VAT1L: variants seen among roughly 807,000 people sequenced by gnomAD.
The protein encoded by VAT1L is vesicle amine transport 1 like, also known as putative NADPH-dependent quinone oxidoreductase VAT1L.
VAT1L carries 34 observed loss-of-function variants against 44.1 expected under a neutral mutation model. That is an observed-to-expected ratio of 0.77 (90% CI 0.59 to 1.03). VAT1L has a LOEUF of 1.03. VAT1L is among the 50% of genes least tolerant of loss of function. The pLI is 0.00. For missense variants in VAT1L, 615 were observed against 538.8 expected (o/e 1.14, Z -1.40); for synonymous variants, 253 against 202.2 (o/e 1.25, Z -2.13).
intron 7 of VAT1L, among the ~76,000 whole-genome samples, chr16:77,915,760 T>C (rs889943922): frequency 1.3e-5 from 2 of 152,150 alleles, no homozygotes; most frequent in African/African-American, 4.8e-5. Context: ...CGGAGCCAGA[T>C]AGAGGGTCTC....
intron 4 of VAT1L, among the ~76,000 whole-genome samples, chr16:77,864,755 G>A (rs1436317353): frequency 2.0e-5 from 3 of 152,132 alleles, no homozygotes; most frequent in East Asian, 1.9e-4. Flanking sequence ...GGTTCTGATG[G>A]TCTTAGTTTT....
At chr16:77,895,260 G>C (rs2017311559) in intron 7 of VAT1L, among the ~76,000 whole-genome samples, 1 of 152,154 alleles carries the variant, frequency 6.6e-6, no homozygotes, top group Non-Finnish European at 1.5e-5. Flanking sequence ...ATGGACCAAA[G>C]AAATTAAGGC....
rs150199138 is a variant in VAT1L, at chr16:77,884,705, G to A, written c.980G>A (p.Arg327Gln). Residue 327 changes from arginine to glutamine, a missense_variant, in exon 7 of 9, where the codon CGG (arginine) becomes CAG (glutamine). By Grantham distance (43) the Arg-to-Gln change is conservative (BLOSUM62 1). Coordinates refer to ENST00000302536, the MANE Select transcript of VAT1L (RefSeq NM_020927.3). This position sits in a 1 kb window ranked among gnomAD's most constrained non-coding sequence, Gnocchi z 4.5. ...TTAAATCTGCTCTTCAAACAAGGCC[G>A]GGCGGGCCTCATTCGGGGAGTGGTG... ...SLLNLLFKQG[R>Q]AGLIRGVVEK... 1.5e-4 allele frequency: 243 copies of A among 1,611,168 alleles called. 1 individual carries two copies. The African/African-American group carries it at 2.7e-3, about 18-fold the overall frequency.
At position 77,948,001 on chromosome 16, in the gene VAT1L, C is replaced by T. The variant is rs552444750; in HGVS notation, c.1078-23849C>T. Among the ~76,000 whole-genome samples, 258 of 152,202 alleles carry T rather than the reference C, an allele frequency of 1.7e-3. 1 individual carries two copies. Among genetic ancestry groups the T allele is most frequent in the Non-Finnish European group, 3.1e-3 (210 of 68,046 alleles). ...TCTCAAACTCCTGACCTCAGGTGAT[C>T]CAACCACCTGGGCCTCCCAAAGTGC... On this transcript the variant is annotated intron_variant, in intron 7 of 8. Transcript: ENST00000302536.
At chr16:77,808,880 A>C (rs951494030) in intron 1 of VAT1L, among the ~76,000 whole-genome samples, 1 of 152,164 alleles carries the variant, frequency 6.6e-6, no homozygotes, top group Non-Finnish European at 1.5e-5. Context: ...TATAGGCGTG[A>C]GCCACCGTGC....
At chr16:77,896,265 T>C (rs181717989) in intron 7 of VAT1L, among the ~76,000 whole-genome samples, 2 of 152,310 alleles carry the variant, frequency 1.3e-5, no homozygotes, top group East Asian at 3.9e-4. Flanking sequence ...GGTCACCTTT[T>C]AAGACTCAGC....
chr16:77,852,077 C>T (rs2016813812), intron 3 of VAT1L, among the ~76,000 whole-genome samples: 1 of 152,154 alleles, frequency 6.6e-6, no homozygotes, highest in Admixed American at 6.5e-5. Context: ...CAGTCTCTTC[C>T]TCCAGGGCCA....
chr16:77,937,865 C>A (rs975333670), intron 7 of VAT1L, among the ~76,000 whole-genome samples: 5 of 152,206 alleles, frequency 3.3e-5, no homozygotes, highest in Admixed American at 6.5e-5. Context: ...TCAGAAGAGA[C>A]AGAGAGTTGA....
chr16:77,845,826 C>G (rs1460352426), intron 3 of VAT1L, among the ~76,000 whole-genome samples: 1 of 152,166 alleles, frequency 6.6e-6, no homozygotes, highest in Non-Finnish European at 1.5e-5. Flanking sequence ...GCCTCTATGC[C>G]CTCTACATTA....
At chr16:77,907,094 G>T (rs972006550) in intron 7 of VAT1L, among the ~76,000 whole-genome samples, 1 of 152,110 alleles carries the variant, frequency 6.6e-6, no homozygotes, top group African/African-American at 2.4e-5. Flanking sequence ...GCCCTAGCGG[G>T]GGAAAAAAAG....
intron 7 of VAT1L, among the ~76,000 whole-genome samples, chr16:77,949,796 C>G (rs1163644376): frequency 2.6e-5 from 4 of 152,206 alleles, no homozygotes; most frequent in Admixed American, 2.6e-4. Context: ...TACCCAGCTT[C>G]AGGTATTCTT....
intron 7 of VAT1L, among the ~76,000 whole-genome samples, chr16:77,918,580 G>A (rs936536415): frequency 6.6e-6 from 1 of 152,126 alleles, no homozygotes; most frequent in African/African-American, 2.4e-5. Context: ...TCAGGCCCCA[G>A]TGTCTGCTGG....
intron 7 of VAT1L, among the ~76,000 whole-genome samples, chr16:77,965,781 G>C (rs996416987): frequency 2.0e-5 from 3 of 152,114 alleles, no homozygotes; most frequent in Non-Finnish European, 2.9e-5. Context: ...CTCTAGGTGA[G>C]GCTCAGCCAC....
intron 1 of VAT1L, chr16:77,800,753 G>T (rs980514025): frequency 6.6e-6 from 1 of 152,192 alleles, no homozygotes; most frequent in African/African-American, 2.4e-5. Flanking sequence ...ATGCTACCTT[G>T]TATATTTAAT....
At chr16:77,810,778 A>G (rs940701865) in intron 1 of VAT1L, among the ~76,000 whole-genome samples, 2 of 152,218 alleles carry the variant, frequency 1.3e-5, no homozygotes, top group African/African-American at 2.4e-5. Context: ...TACTGTACTG[A>G]GCCTATAAGA....
Position 77,788,652 on chromosome 16 carries a change from G to GCAGCCACCT in VAT1L, c.-26_-25insACCTCAGCC. On this transcript the variant is annotated 5_prime_UTR_variant, in exon 1 of 9. Coordinates refer to ENST00000302536, the MANE Select transcript of VAT1L (RefSeq NM_020927.3). ...CAGCGCCGCAGCCACCGCAGCCACC[G>GCAGCCACCT]CAGCCCGTGCGCCCCGCGCCCTCGA... The GCAGCCACCT allele has an allele frequency of 6.5e-7, 1 of 1,545,606 alleles. No homozygotes were observed. Among genetic ancestry groups the GCAGCCACCT allele is most frequent in the Non-Finnish European group, 8.7e-7 (1 of 1,145,160 alleles).
At chr16:77,939,012 G>T (rs1163144913) in intron 7 of VAT1L, among the ~76,000 whole-genome samples, 1 of 152,096 alleles carries the variant, frequency 6.6e-6, no homozygotes, top group Non-Finnish European at 1.5e-5. Context: ...AACCTTTCCT[G>T]CCTGCATCAA....
At chr16:77,818,936 T>C (rs2016401606) in intron 2 of VAT1L, among the ~76,000 whole-genome samples, 1 of 152,180 alleles carries the variant, frequency 6.6e-6, no homozygotes, top group South Asian at 2.1e-4. Context: ...CAAAGGATGA[T>C]GAAAAGCTGT....
chr16:77,972,591 G>A (rs1183141297), intron 8 of VAT1L, among the ~76,000 whole-genome samples: 1 of 146,758 alleles, frequency 6.8e-6, no homozygotes, highest in Non-Finnish European at 1.6e-5. Flanking sequence ...GACCAGCCTG[G>A]CCAAGATGGT....
Sources: gnomAD v4.1 joint callset for allele counts (sites outside exome capture counted in the v4.1 genomes callset) on GRCh38, gnomAD v4.1.1 for gene constraint, Gnocchi (gnomAD v3.1) non-coding constraint, MANE v1.5 for transcripts, NCBI Gene and HGNC (gene_info 2026-07-23, HGNC 2026-07-21) for gene names.